Variants in MME observed in about 807,000 individuals in gnomAD.
The protein encoded by MME is neprilysin.
MME carries 98 observed loss-of-function variants against 113.2 expected under a neutral mutation model. The ratio of observed to expected loss-of-function variants is 0.87; its 90% confidence interval spans 0.74 to 1.02. The LOEUF is 1.02. Ranked by LOEUF, MME falls within the 50% of genes least tolerant of loss-of-function variation. The pLI is 0.00. For synonymous variants in MME, 292 were observed against 300.6 expected, an observed-to-expected ratio of 0.97 and a Z score of 0.30; for missense variants, 836 against 896.0, an observed-to-expected ratio of 0.93 and a Z score of 0.86.
At chr3:155,177,226 A>G (rs1403470610) in intron 22 of MME, among the ~76,000 whole-genome samples, 1 of 152,200 alleles carries the variant, frequency 6.6e-6, no homozygotes, top group Non-Finnish European at 1.5e-5. Context: ...AAAAATTAAT[A>G]AAATAAAAAC....
chr3:155,107,235 C>T (rs1301145705), intron 3 of MME, among the ~76,000 whole-genome samples: 2 of 151,912 alleles, frequency 1.3e-5, no homozygotes, highest in Non-Finnish European at 2.9e-5. Context: ...TGCCTGTAAT[C>T]CCAGCTACTT....
intron 1 of MME, among the ~76,000 whole-genome samples, chr3:155,070,811 C>A (rs16824538): frequency 0.035 from 5,307 of 152,126 alleles, 150 homozygotes; most frequent in South Asian, 0.1. Flanking sequence ...ATCTGGAATC[C>A]GCACCTCTGC....
chr3:155,116,262 C>G (rs1270022473), intron 4 of MME, among the ~76,000 whole-genome samples: 1 of 151,618 alleles, frequency 6.6e-6, no homozygotes, highest in Non-Finnish European at 1.5e-5. Context: ...AAACTGACTC[C>G]CAGTTCTGTG....
intron 3 of MME, among the ~76,000 whole-genome samples, chr3:155,113,221 A>G (rs1423779058): frequency 6.6e-6 from 1 of 152,152 alleles, no homozygotes; most frequent in Non-Finnish European, 1.5e-5. Flanking sequence ...CCACCAAAAG[A>G]GGAAAAGGGG....
intron 3 of MME, among the ~76,000 whole-genome samples, chr3:155,093,946 A>G (rs1177853908): frequency 2.6e-5 from 4 of 152,096 alleles, no homozygotes; most frequent in African/African-American, 9.7e-5. Flanking sequence ...TTCTTTGTAT[A>G]AACTTGCTTC....
intron 16 of MME, among the ~76,000 whole-genome samples, chr3:155,159,551 A>T (rs1328959700): frequency 6.6e-6 from 1 of 152,040 alleles, no homozygotes; most frequent in Non-Finnish European, 1.5e-5. Flanking sequence ...TCTTCATAAC[A>T]TCTGAGCAGA....
chr3:155,030,107 T>C (rs1712918710), intron 1 of MME, among the ~76,000 whole-genome samples: 1 of 152,116 alleles, frequency 6.6e-6, no homozygotes, highest in African/African-American at 2.4e-5. Flanking sequence ...AAATTAGATC[T>C]AAACGCCATT....
chr3:155,084,322 A>G lies in MME; in HGVS notation c.155A>G (p.Tyr52Cys), dbSNP rs201694291. 28 of 1,614,046 alleles carry G rather than the reference A, an allele frequency of 1.7e-5. No homozygotes were observed. The Admixed American group carries it at 4.3e-4, about 25-fold the overall frequency. ...AVTMIALYAT[Y>C]DDGICKSSDC... ...ACAATGATCGCACTCTATGCAACCT[A>G]CGATGGTGAGTTACTCCCACACCTG... is the stretch of plus-strand genomic sequence containing the variant. Residue 52 changes from tyrosine (Y) to cysteine (C), a missense_variant, in exon 2 of 23, where the codon TAC (tyrosine) becomes TGC (cysteine). Tyr to Cys is a radical substitution (Grantham distance 194). Transcript: ENST00000360490.
chr3:155,066,086 T>C (rs938596276), intron 1 of MME, among the ~76,000 whole-genome samples: 3 of 152,206 alleles, frequency 2.0e-5, no homozygotes, highest in African/African-American at 7.2e-5. Flanking sequence ...CAATTTTCAT[T>C]TTATATAGAA....
At chr3:155,173,572 G>GTCATCATCATCATCA (rs71624560) in intron 22 of MME, among the ~76,000 whole-genome samples, 1 of 149,870 alleles carries the variant, frequency 6.7e-6, no homozygotes, top group Non-Finnish European at 1.5e-5. Context: ...TATCATCGTT[G>GTCATCATCATCATCA]TCATCATCAT....
chr3:155,180,166 T>C (rs1712941719), intron 22 of MME, among the ~76,000 whole-genome samples, 194 bp from the exon 23 acceptor site: 1 of 152,232 alleles, frequency 6.6e-6, no homozygotes, highest in Non-Finnish European at 1.5e-5. Context: ...TTTTAACTCC[T>C]GTTCTTTGTT....
chr3:155,058,980 T>C (rs1016808563), intron 1 of MME, among the ~76,000 whole-genome samples: 3 of 152,102 alleles, frequency 2.0e-5, no homozygotes, highest in Admixed American at 6.6e-5. Context: ...AAAGAAGGAT[T>C]GGCCAGGTGT....
intron 1 of MME, among the ~76,000 whole-genome samples, chr3:155,035,066 G>A (rs1348245191): frequency 1.3e-5 from 2 of 152,042 alleles, no homozygotes; most frequent in East Asian, 1.9e-4. Context: ...AAGAAATAAT[G>A]GAGATGGAAT....
intron 14 of MME, among the ~76,000 whole-genome samples, chr3:155,145,633 T>G (rs1721444272): frequency 6.6e-6 from 1 of 152,142 alleles, no homozygotes; most frequent in Non-Finnish European, 1.5e-5. Flanking sequence ...TCCTGGATAT[T>G]TATAATAACT....
At chr3:155,100,894 A>T (rs1717147759) in intron 3 of MME, among the ~76,000 whole-genome samples, 3 of 152,140 alleles carry the variant, frequency 2.0e-5, no homozygotes, top group Admixed American at 2.0e-4. Flanking sequence ...GGTGCTATGA[A>T]ACTTTTTGAT....
chr3:155,053,294 G>A (rs553502356), intron 1 of MME, among the ~76,000 whole-genome samples: 5 of 152,194 alleles, frequency 3.3e-5, no homozygotes, highest in Non-Finnish European at 7.4e-5. Flanking sequence ...TTTTCATGCC[G>A]CTTTAAAGAC....
chr3:155,083,257 G>A (rs1430958131), intron 1 of MME, among the ~76,000 whole-genome samples: 1 of 152,136 alleles, frequency 6.6e-6, no homozygotes, highest in Non-Finnish European at 1.5e-5. Flanking sequence ...CACGTTGCCT[G>A]ACTTCTCTGT....
rs574372293 is a variant in MME at position 155,041,669 on chromosome 3, G to A, written c.-11+17345G>A. Among the ~76,000 whole-genome samples the A allele has an allele frequency of 1.6e-4, 24 of 152,190 alleles. No homozygotes were observed. The East Asian group carries it at 2.5e-3, about 16-fold the overall frequency. On this transcript the variant is annotated intron_variant, in intron 1 of 22. Coordinates refer to the MME transcript ENST00000492661. ...ACCCAAATCCCTTTTGGAAGTTGTC[G>A]TAAAACTCCAGGGTCTCTGTTTAAA... is the stretch of plus-strand genomic sequence containing the variant.
At chr3:155,063,002 T>C (rs1490078150) in intron 1 of MME, among the ~76,000 whole-genome samples, 1 of 129,246 alleles carries the variant, frequency 7.7e-6, no homozygotes. Flanking sequence ...GCCACTGCAC[T>C]CCAGCTTGGG....
Sources: allele counts gnomAD v4.1 joint callset (sites outside exome capture counted in the v4.1 genomes callset), GRCh38; gene constraint gnomAD v4.1.1; transcripts MANE v1.5; gene names NCBI Gene and HGNC (gene_info 2026-07-23, HGNC 2026-07-21).